Variants in ADARB2 observed in about 807,000 individuals in gnomAD.
The protein encoded by ADARB2 is adenosine deaminase RNA specific B2 (inactive), also known as inactive double-stranded RNA-specific editase B2.
In ADARB2, 25 loss-of-function variants were observed where a neutral mutation model predicts 62.2. That is an observed-to-expected ratio of 0.40 (90% CI 0.29 to 0.56). The LOEUF (loss-of-function observed/expected upper bound fraction) is 0.56, where lower values mean the gene tolerates loss of function less well. Ranked by LOEUF, ADARB2 falls within the 20% of genes least tolerant of loss-of-function variation. The probability of loss-of-function intolerance (pLI) is 0.43; values close to 1 mark genes in which losing one functional copy is unlikely to be tolerated. For missense variants in ADARB2, 1,071 were observed against 1,077.4 expected (o/e 0.99, Z 0.08); for synonymous variants, 572 against 500.8 (o/e 1.14, Z -1.90).
rs118000471 is a variant in ADARB2, at chr10:1,720,622, A to G, written c.100+16429T>C. On this transcript the variant is annotated intron_variant, in intron 1 of 9. Coordinates refer to ENST00000381312, the MANE Select transcript of ADARB2 (RefSeq NM_018702.4). ...AAATCTAGGGGCAGTCTTTATTTGA[A>G]TATTTAGCAGAGTAATCGGTATTGT... Among the ~76,000 whole-genome samples the G allele has an allele frequency of 1.1e-4, 16 of 152,340 alleles. No individual in the cohort carries two copies. In the East Asian group the frequency reaches 3.1e-3, roughly 29 times the overall value.
chr10:1,200,933 C>A (rs1317251518), intron 7 of ADARB2, among the ~76,000 whole-genome samples: 1 of 152,202 alleles, frequency 6.6e-6, no homozygotes, highest in Non-Finnish European at 1.5e-5. Flanking sequence ...ACTGTTAGAG[C>A]AATTACTGCC....
Position 1,493,464 on chromosome 10 carries a change from C to T in ADARB2, c.101-114304G>A, listed in dbSNP as rs2820646. On this transcript the variant is annotated intron_variant, in intron 1 of 9. Coordinates refer to ENST00000381312, the MANE Select transcript of ADARB2 (RefSeq NM_018702.4). ...AAAGATTCAGAGGATAAAATAGTGG[C>T]AAATTGGTCTGTTTCTCTGTGTGCT... 7.2e-3 allele frequency among the ~76,000 whole-genome samples: 1,099 copies of T among 152,188 alleles called. 16 individuals are homozygous for T. Among genetic ancestry groups the T allele is most frequent in the African/African-American group, 0.025 (1,052 of 41,518 alleles).
chr10:1,554,868 T>G (rs1374262907), intron 1 of ADARB2, among the ~76,000 whole-genome samples: 2 of 152,090 alleles, frequency 1.3e-5, no homozygotes, highest in African/African-American at 4.8e-5. Flanking sequence ...TAGAACCCAA[T>G]AGTTTTTCAA....
At chr10:1,425,743 G>A (rs891483571) in intron 1 of ADARB2, among the ~76,000 whole-genome samples, 5 of 152,184 alleles carry the variant, frequency 3.3e-5, no homozygotes, top group African/African-American at 1.2e-4. Flanking sequence ...TCTCTTCCTT[G>A]TCAGCAGGTT....
At chr10:1,203,926 T>C (rs942151095) in intron 7 of ADARB2, among the ~76,000 whole-genome samples, 4 of 152,164 alleles carry the variant, frequency 2.6e-5, no homozygotes, top group Non-Finnish European at 5.9e-5. Flanking sequence ...TCTTGAACTC[T>C]GGGGTGAGGC....
intron 1 of ADARB2, among the ~76,000 whole-genome samples, chr10:1,621,024 G>A (rs1287086453): frequency 6.6e-6 from 1 of 152,210 alleles, no homozygotes; most frequent in Admixed American, 6.5e-5. Context: ...GAGTGGCTGA[G>A]TGCTTTCCTG....
intron 4 of ADARB2, among the ~76,000 whole-genome samples, chr10:1,259,723 A>G (rs1831115522): frequency 1.3e-5 from 2 of 152,362 alleles, no homozygotes; most frequent in South Asian, 2.1e-4. Context: ...CCAGAGGTAC[A>G]AGGAGGAACT....
At chr10:1,439,472 C>T (rs1189376045) in intron 1 of ADARB2, among the ~76,000 whole-genome samples, 11 of 130,414 alleles carry the variant, frequency 8.4e-5, no homozygotes, top group Admixed American at 2.3e-4. Context: ...GGAGGCAGGT[C>T]CTTCACTACG....
At chr10:1,273,270 T>C (rs1831281604) in intron 3 of ADARB2, among the ~76,000 whole-genome samples, 1 of 152,224 alleles carries the variant, frequency 6.6e-6, no homozygotes. Flanking sequence ...AATTTTTTTA[T>C]TTTTCTTTGA....
intron 1 of ADARB2, among the ~76,000 whole-genome samples, chr10:1,728,520 C>T (rs746431868): frequency 1.4e-4 from 21 of 152,142 alleles, no homozygotes; most frequent in Admixed American, 7.2e-4. Context: ...ACGTCGTGTG[C>T]ATATATTAGA....
At chr10:1,216,348 C>G (rs1026529171) in intron 7 of ADARB2, 1 of 154,166 alleles carries the variant, frequency 6.5e-6, no homozygotes, top group Non-Finnish European at 1.4e-5. Flanking sequence ...GAGCTTGGGG[C>G]GTGGCAGCGA....
intron 1 of ADARB2, among the ~76,000 whole-genome samples, chr10:1,731,090 C>T (rs1157947907): frequency 6.6e-6 from 1 of 152,140 alleles, no homozygotes; most frequent in African/African-American, 2.4e-5. Flanking sequence ...GCTATCTTTG[C>T]AAATGACCAA....
chr10:1,278,654 G>A lies in ADARB2; in HGVS notation c.1078-7585C>T, dbSNP rs538147377. Among the ~76,000 whole-genome samples, 15 of 150,654 alleles carry A rather than the reference G, an allele frequency of 1.0e-4. No homozygotes were observed. In the East Asian group the frequency reaches 2.7e-3, roughly 27 times the overall value. On this transcript the variant is annotated intron_variant, in intron 3 of 9. Coordinates refer to ENST00000381312, the MANE Select transcript of ADARB2 (RefSeq NM_018702.4). Reference sequence around the variant, plus strand: ...TTCTCAATCCATTATGTCCTGCCCTGCCTCAGTCTCTAAAACTCCTTCCTA... The same window carrying A: ...TTCTCAATCCATTATGTCCTGCCCTACCTCAGTCTCTAAAACTCCTTCCTA...
chr10:1,544,780 A>G (rs1832493090), intron 1 of ADARB2, among the ~76,000 whole-genome samples: 1 of 152,142 alleles, frequency 6.6e-6, no homozygotes, highest in African/African-American at 2.4e-5. Context: ...TGTCAAGTGT[A>G]CATACCACAT....
At chr10:1,381,866 G>A (rs553253593) in intron 1 of ADARB2, among the ~76,000 whole-genome samples, 11 of 152,306 alleles carry the variant, frequency 7.2e-5, no homozygotes, top group African/African-American at 2.6e-4. Context: ...GAGTGAGGAG[G>A]TGTTGGTCTA....
chr10:1,681,485 T>TAA lies in ADARB2; in HGVS notation c.100+55564_100+55565dup, dbSNP rs113678958. ...CAAACTAATATAGCTTAAAAAATAT[T>TAA]AAAAAAAAAAACCCTAAACCAGGAA... On this transcript the variant is annotated intron_variant, in intron 1 of 9. Coordinates refer to ENST00000381312, the MANE Select transcript of ADARB2 (RefSeq NM_018702.4). Among the ~76,000 whole-genome samples the TAA allele has an allele frequency of 2.6e-4, 39 of 148,324 alleles. 1 individual carries two copies. The highest frequency in any genetic ancestry group is 3.5e-3 in the Middle Eastern group (1 of 286).
At chr10:1,696,038 G>A (rs555814841) in intron 1 of ADARB2, among the ~76,000 whole-genome samples, 12 of 152,254 alleles carry the variant, frequency 7.9e-5, no homozygotes, top group African/African-American at 2.6e-4. Context: ...ATGTGTGCAT[G>A]CACATATACA....
intron 1 of ADARB2, among the ~76,000 whole-genome samples, chr10:1,385,667 T>C (rs574474242): frequency 3.9e-5 from 6 of 152,152 alleles, no homozygotes; most frequent in Non-Finnish European, 2.9e-5. Context: ...CAGTCTAACT[T>C]ATGTATAATT....
At chr10:1,717,946 T>C (rs929040108) in intron 1 of ADARB2, among the ~76,000 whole-genome samples, 1 of 152,178 alleles carries the variant, frequency 6.6e-6, no homozygotes, top group Non-Finnish European at 1.5e-5. Flanking sequence ...TGAAAAACTT[T>C]TAAACATGTA....
Sources: gnomAD v4.1 joint callset for allele counts (sites outside exome capture counted in the v4.1 genomes callset) on GRCh38, gnomAD v4.1.1 for gene constraint, MANE v1.5 for transcripts, NCBI Gene and HGNC (gene_info 2026-07-23, HGNC 2026-07-21) for gene names.